The following SLC44A4 variants were observed in gnomAD, a reference collection of about 807,000 sequenced individuals.
SLC44A4 encodes choline transporter-like protein 4.
A neutral mutation model predicts 97.0 loss-of-function variants in SLC44A4; 74 were observed. The ratio of observed to expected loss-of-function variants is 0.76; its 90% CI spans 0.63 to 0.93. SLC44A4 has a LOEUF of 0.93. SLC44A4 is among the 40% of genes least tolerant of loss of function. The pLI, the probability that SLC44A4 is intolerant of heterozygous loss-of-function variation, is 0.00. For missense variants in SLC44A4, 799 were observed against 902.9 expected (o/e 0.88, Z 1.48); for synonymous variants, 325 against 363.8 (o/e 0.89, Z 1.21).
At position 31,874,434 on chromosome 6, in the gene SLC44A4, C is replaced by T; in HGVS notation, c.529+26G>A. ...ATGAAAACACTGGACTAGATGACGT[C>T]TGAGGAAGGAATCTGTGCTTCTCAC... On this transcript the variant is annotated intron_variant, in intron 7 of 20. Transcript: ENST00000229729. The surrounding 1 kb of genome is among the most constrained non-coding windows in gnomAD (Gnocchi z 4.8). The T allele has an allele frequency of 6.2e-7, 1 of 1,611,480 alleles. No homozygotes were observed. Among genetic ancestry groups the T allele is most frequent in the Non-Finnish European group, 8.5e-7 (1 of 1,178,596 alleles).
rs748231824 is a variant in SLC44A4 at position 31,864,661 on chromosome 6, G to C, written c.2002C>G (p.Leu668Val). ...TGGGGGTGTCACTCACGGAAGCAGA[G>C]GAAGAGCGTGTCCACACACATGCCG... ...VFGMCVDTLFLCFLEDLERNN... is the reference protein window; with the variant it reads ...VFGMCVDTLFVCFLEDLERNN... The change falls in exon 20 of 21, where the codon CTC (leucine) becomes GTC (valine). Residue 668 changes from leucine to valine, a missense_variant. By Grantham distance (32) the Leu-to-Val change is conservative (BLOSUM62 1). This residue lies in a region of SLC44A4 where 379 missense variants were observed against 438.3 expected (regional missense o/e 0.86). Transcript: ENST00000229729. 1 of 1,614,090 alleles carries C rather than the reference G, an allele frequency of 6.2e-7. No individual in the cohort carries two copies. Among genetic ancestry groups the C allele is most frequent in the Non-Finnish European group, 8.5e-7 (1 of 1,179,988 alleles).
At position 31,863,813 on chromosome 6, in the gene SLC44A4, A is replaced by C. The variant is rs1306759347; in HGVS notation, c.2012-65T>G. On this transcript the variant is annotated intron_variant, in intron 20 of 20. Transcript: ENST00000229729. Reference sequence around the variant, plus strand: ...CCAGGAAATCGGGGACTGGGAGGCAAGCTGCCTGCGGGATTTGGAATCCAA... The same window carrying C: ...CCAGGAAATCGGGGACTGGGAGGCACGCTGCCTGCGGGATTTGGAATCCAA... 2.5e-6 allele frequency: 4 copies of C among 1,600,502 alleles called. No individual in the cohort carries two copies. The African/African-American group carries it at 4.0e-5, about 16-fold the overall frequency.
chr6:31,872,884 A>ATTTTTT (rs1562453675), intron 7 of SLC44A4, among the ~76,000 whole-genome samples: 1 of 135,206 alleles, frequency 7.4e-6, no homozygotes, highest in Non-Finnish European at 1.6e-5. Flanking sequence ...TAAATTGTCT[A>ATTTTTT]ATTTTTTTTT....
At chr6:31,875,975 G>A (rs1264755167) in intron 3 of SLC44A4, 45 bp from the exon 4 acceptor site, 1 of 1,612,932 alleles carries the variant, frequency 6.2e-7, no homozygotes, top group South Asian at 1.1e-5. Context: ...CAGGGACTTA[G>A]TGGGGCAGTT....
chr6:31,876,953 T>A lies in SLC44A4; in HGVS notation c.89+81A>T. 1 of 1,377,892 alleles carries A rather than the reference T, an allele frequency of 7.3e-7. No individual in the cohort carries two copies. Among genetic ancestry groups the A allele is most frequent in the Non-Finnish European group, 1.0e-6 (1 of 1,004,906 alleles). The allele number at this position is 1,377,892 out of a possible 1,614,324, so 85.4% of individuals were successfully genotyped here. A position where few individuals can be genotyped will look rare whatever the true frequency, so the allele number is the denominator to read the frequency against. On this transcript the variant is annotated intron_variant, in intron 2 of 20. Coordinates refer to ENST00000229729, the MANE Select transcript of SLC44A4 (RefSeq NM_025257.3). This position sits in a 1 kb window ranked among gnomAD's most constrained non-coding sequence, Gnocchi z 4.8. ...TTTTCACAAGTTTCCTACTAATATT[T>A]TAGCAAATACAAAGCAAATACTGGA... is the stretch of plus-strand genomic sequence containing the variant.
chr6:31,877,567 T>G lies in SLC44A4; in HGVS notation c.41-485A>C. On this transcript the variant is annotated intron_variant, in intron 1 of 20. Transcript: ENST00000229729. This position sits in a 1 kb window ranked among gnomAD's most constrained non-coding sequence, Gnocchi z 6.5. ...CTGCCCCAGGCCCTACCTTACCCTC[T>G]GGTTCAAGGCTATGGGGAAAGAAAC... 1.0e-6 allele frequency: 1 copy of G among 990,912 alleles called. No homozygotes were observed. The allele number at this position is 990,912 out of a possible 1,614,324, so 61.4% of individuals were successfully genotyped here.
intron 20 of SLC44A4, 68 bp downstream of exon 20, chr6:31,864,579 CAAAAA>C: frequency 7.9e-7 from 1 of 1,259,148 alleles, no homozygotes. Context: ...ACCAAATCTC[CAAAAA>C]AAAAAAAAAA....
chr6:31,875,309 T>C (rs963269531), intron 4 of SLC44A4, among the ~76,000 whole-genome samples: 1 of 152,208 alleles, frequency 6.6e-6, no homozygotes, highest in African/African-American at 2.4e-5. Context: ...AAGTCACCTG[T>C]TCTCGGTCTT....
Position 31,865,501 on chromosome 6 carries a change from G to C in SLC44A4, c.1683C>G (p.Ile561Met). The change falls in exon 16 of 21, where the codon ATC becomes ATG. Residue 561 changes from isoleucine (I) to methionine (M), a missense_variant. This residue lies in a region of SLC44A4 where 379 missense variants were observed against 438.3 expected (regional missense o/e 0.86). Coordinates refer to ENST00000229729, the MANE Select transcript of SLC44A4 (RefSeq NM_025257.3). This position sits in a 1 kb window ranked among gnomAD's most constrained non-coding sequence, Gnocchi z 5.2. Reference sequence around the variant, plus strand: ...GGTTGCTTGCAGTGTAGCTCACCATGATGTATGCATTGCGGTTTAGGAACT... The same window carrying C: ...GGTTGCTTGCAGTGTAGCTCACCATCATGTATGCATTGCGGTTTAGGAACT... ...FIKFLNRNAY[I>M]MIAIYGKNFC... The C allele has an allele frequency of 6.2e-7, 1 of 1,610,032 alleles. No individual in the cohort carries two copies. Among genetic ancestry groups the C allele is most frequent in the Non-Finnish European group, 8.5e-7 (1 of 1,176,758 alleles).
At chr6:31,864,063 CT>C (rs60189689) in intron 20 of SLC44A4, among the ~76,000 whole-genome samples, 5,050 of 144,858 alleles carry the variant, frequency 0.035, 144 homozygotes, top group East Asian at 0.13. Context: ...TCTAATGGCT[CT>C]TTTTTTTTTT....
chr6:31,878,951 GTCA>G lies in SLC44A4; in HGVS notation c.27_29del (p.Asp10del). On this transcript the variant is annotated inframe_deletion, in exon 1 of 21. Transcript: ENST00000229729. The surrounding 1 kb of genome is among the most constrained non-coding windows in gnomAD (Gnocchi z 4.0). ...TCGCCCCAGTCTCACCGTAGGCCTC[GTCA>G]TCCTCGTCCCGCTGCTTTCCCCCCA... 1 of 1,613,816 alleles carries G rather than the reference GTCA, an allele frequency of 6.2e-7. No homozygotes were observed. The highest frequency in any genetic ancestry group is 1.1e-5 in the South Asian group (1 of 91,084).
At chr6:31,867,543 A>C (rs1562445483) in intron 13 of SLC44A4, among the ~76,000 whole-genome samples, 1 of 151,978 alleles carries the variant, frequency 6.6e-6, no homozygotes. Flanking sequence ...CAGCCTGGGC[A>C]ACATAGTGAA....
At position 31,874,063 on chromosome 6, in the gene SLC44A4, C is replaced by T. The variant is rs573194701; in HGVS notation, c.529+397G>A. ...CCGGGAGGCGGGGGTTGCAGTGAGC[C>T]GAGATCACGCCACTGCACTCCAGCC... On this transcript the variant is annotated intron_variant, in intron 7 of 20. Coordinates refer to ENST00000229729, the MANE Select transcript of SLC44A4 (RefSeq NM_025257.3). The surrounding 1 kb of genome is among the most constrained non-coding windows in gnomAD (Gnocchi z 4.8). 4.3e-4 allele frequency among the ~76,000 whole-genome samples: 65 copies of T among 151,844 alleles called. 1 individual carries two copies. The highest frequency in any genetic ancestry group is 2.0e-3 in the Admixed American group (31 of 15,262).
In SLC44A4 at chr6:31,866,091, C is replaced by T. The variant is rs1340463774; in HGVS notation, c.1269G>A (p.Met423Ile). The T allele has an allele frequency of 2.5e-6, 4 of 1,614,010 alleles. No homozygotes were observed. The highest frequency in any genetic ancestry group is 3.4e-6 in the Non-Finnish European group (4 of 1,180,012). Residue 423 changes from methionine (M) to isoleucine (I), a missense_variant, in exon 14 of 21, where the codon ATG becomes ATA. By Grantham distance (10) the Met-to-Ile change is conservative. Around this residue, in one of 3 missense-constraint regions of SLC44A4, gnomAD observed 379 missense variants for 438.3 expected, o/e 0.86. Transcript: ENST00000229729. ...TGGATGAGTAGCCCTGGAAGACGCACATCAGCCCTGGGCACGAGGAGTTCA... is the reference window on the plus strand; with the variant it reads ...TGGATGAGTAGCCCTGGAAGACGCATATCAGCCCTGGGCACGAGGAGTTCA... ...HLVNSSCPGL[M>I]CVFQGYSSKG...
In SLC44A4 at chr6:31,865,428, G is replaced by C. The variant is rs559342304; in HGVS notation, c.1687-40C>G. On this transcript the variant is annotated intron_variant, in intron 16 of 20. Transcript: ENST00000229729. The surrounding 1 kb of genome is among the most constrained non-coding windows in gnomAD (Gnocchi z 5.2). The stretch of plus-strand genomic sequence containing the variant: ...AAGGTCAGAGTTACCAAGGCGAGCT[G>C]CCTGGACCAGGATGGGGGTGTCTAG... 1.2e-6 allele frequency: 2 copies of C among 1,612,726 alleles called. No homozygotes were observed. Among genetic ancestry groups the C allele is most frequent in the South Asian group, 2.2e-5 (2 of 91,050 alleles).
intron 13 of SLC44A4, among the ~76,000 whole-genome samples, chr6:31,868,824 C>G: frequency 6.6e-6 from 1 of 151,842 alleles, no homozygotes; most frequent in South Asian, 2.1e-4. Flanking sequence ...AACAAACAAA[C>G]AAACAAACAG....
In SLC44A4 at chr6:31,876,968, C is replaced by A; in HGVS notation, c.89+66G>T. The A allele has an allele frequency of 6.8e-7, 1 of 1,465,454 alleles. No individual in the cohort carries two copies. The highest frequency in any genetic ancestry group is 1.3e-5 in the South Asian group (1 of 79,852). The allele number at this position is 1,465,454 out of a possible 1,614,324, so 90.8% of individuals were successfully genotyped here. A position where few individuals can be genotyped will look rare whatever the true frequency, so the allele number is the denominator to read the frequency against. ...TACTAATATTTTAGCAAATACAAAG[C>A]AAATACTGGATTCCACACTGCACCC... On this transcript the variant is annotated intron_variant, in intron 2 of 20. Coordinates refer to ENST00000229729, the MANE Select transcript of SLC44A4 (RefSeq NM_025257.3). The surrounding 1 kb of genome is among the most constrained non-coding windows in gnomAD (Gnocchi z 4.8).
In SLC44A4 at chr6:31,866,042, A is replaced by G. The variant is rs1762850123; in HGVS notation, c.1318T>C (p.Phe440Leu). The change falls in exon 14 of 21, where the codon TTC becomes CTC. Residue 440 changes from phenylalanine to leucine, a missense_variant. By Grantham distance (22) the Phe-to-Leu change is conservative. This residue lies in a region of SLC44A4 where 379 missense variants were observed against 438.3 expected (regional missense o/e 0.86). Transcript: ENST00000229729. ...AGGACCCCATAGATTTGCAGATTGA[A>G]GACAGAACGTTGGATTAGGCCTTTG... The part of the protein sequence containing the change: ...SSKGLIQRSV[F>L]NLQIYGVLGL... 6.2e-7 allele frequency: 1 copy of G among 1,614,116 alleles called. No homozygotes were observed. Among genetic ancestry groups the G allele is most frequent in the Non-Finnish European group, 8.5e-7 (1 of 1,180,054 alleles).
chr6:31,870,854 G>T lies in SLC44A4; in HGVS notation c.895C>A (p.Leu299Ile). ...TCCTGCACGCTCTGGTAGGCACTGA[G>T]GTTGGTGGTGAAACCCAGCTGGGAG... Reference protein sequence around the residue: ...SISQLGFTTNLSAYQSVQETW... With the variant: ...SISQLGFTTNISAYQSVQETW... Residue 299 changes from leucine (L) to isoleucine (I), a missense_variant, in exon 10 of 21, where the codon CTC becomes ATC. Leu to Ile is a conservative substitution (Grantham distance 5, BLOSUM62 2). This residue lies in a region of SLC44A4 where 409 missense variants were observed against 434.1 expected (regional missense o/e 0.94). Transcript: ENST00000229729. 6.2e-7 allele frequency: 1 copy of T among 1,613,084 alleles called. No homozygotes were observed. Among genetic ancestry groups the T allele is most frequent in the South Asian group, 1.1e-5 (1 of 91,084 alleles).
Sources: gnomAD v4.1 joint callset for allele counts (sites outside exome capture counted in the v4.1 genomes callset) on GRCh38, gnomAD v4.1.1 for gene constraint, gnomAD v4.1.1 regional missense constraint, Gnocchi (gnomAD v3.1) non-coding constraint, MANE v1.5 for transcripts, NCBI Gene and HGNC (gene_info 2026-07-23, HGNC 2026-07-21) for gene names.